Variants in NR4A1 observed in about 807,000 individuals in gnomAD.
NR4A1 encodes the protein nuclear receptor subfamily 4immunitygroup A member 1.
Under a neutral mutation model 47.5 loss-of-function variants are expected in NR4A1, and 24 were observed. That is an observed-to-expected ratio of 0.50 (90% CI 0.37 to 0.71). The LOEUF (loss-of-function observed/expected upper bound fraction) is 0.71, where lower values mean the gene tolerates loss of function less well. NR4A1 is among the 30% of genes least tolerant of loss of function. The probability of loss-of-function intolerance (pLI) is 0.00; values close to 1 mark genes in which losing one functional copy is unlikely to be tolerated. For missense variants in NR4A1, 669 were observed against 788.6 expected (o/e 0.85, Z 1.82); for synonymous variants, 353 against 345.7 (o/e 1.02, Z -0.24).
intron 2 of NR4A1, chr12:52,043,929 G>A (rs563562806): frequency 7.8e-7 from 1 of 1,288,854 alleles, no homozygotes; most frequent in South Asian, 1.2e-5. Flanking sequence ...TTGGGACAGG[G>A]ACATTGAGGA....
At chr12:52,024,047 G>A (rs1333230629) in intron 1 of NR4A1, among the ~76,000 whole-genome samples, 1 of 152,244 alleles carries the variant, frequency 6.6e-6, no homozygotes, top group Non-Finnish European at 1.5e-5. Flanking sequence ...GGAGAGTCGC[G>A]GCCTCTCTGA....
At position 52,054,966 on chromosome 12, in the gene NR4A1, A is replaced by C; in HGVS notation, c.638A>C (p.Gln213Pro). 1.2e-6 allele frequency: 2 copies of C among 1,614,086 alleles called. No individual in the cohort carries two copies. Among genetic ancestry groups the C allele is most frequent in the Non-Finnish European group, 1.7e-6 (2 of 1,179,998 alleles). The stretch of plus-strand genomic sequence containing the variant: ...AGCCCCCTGAAGTTGTTCCCCTCAC[A>C]GGCCACCCACCAGCTGGGGGAGGGA... ...AQSPLKLFPS[Q>P]ATHQLGEGES... Residue 213 changes from glutamine (Q) to proline (P), a missense_variant, in exon 2 of 7, where the codon CAG becomes CCG. Gln to Pro is a moderately conservative substitution (Grantham distance 76, BLOSUM62 -1). Coordinates refer to ENST00000394825, the MANE Select transcript of NR4A1 (RefSeq NM_173157.3).
chr12:52,052,308 A>T (rs867534735), intron 1 of NR4A1, among the ~76,000 whole-genome samples: 3,236 of 117,252 alleles, frequency 0.028, 76 homozygotes, highest in African/African-American at 0.11. Context: ...TGTGTGTGAG[A>T]GAGAGAGAGA....
intron 6 of NR4A1, 175 bp from the exon 7 acceptor site, chr12:52,058,513 T>G (rs1040868890): frequency 1.2e-6 from 1 of 824,618 alleles, no homozygotes; most frequent in East Asian, 2.7e-5. Context: ...TGAGGGTTAC[T>G]GCTTCTCAGA....
intron 1 of NR4A1, among the ~76,000 whole-genome samples, chr12:52,028,556 G>C (rs1470926026): frequency 6.7e-6 from 1 of 149,264 alleles, no homozygotes; most frequent in African/African-American, 2.5e-5. Context: ...CCTCGTGACA[G>C]AGCAAGACTC....
In NR4A1 at chr12:52,054,803, G is replaced by C; in HGVS notation, c.475G>C (p.Gly159Arg). The C allele has an allele frequency of 6.2e-7, 1 of 1,613,238 alleles. No individual in the cohort carries two copies. The highest frequency in any genetic ancestry group is 8.5e-7 in the Non-Finnish European group (1 of 1,179,938). The stretch of plus-strand genomic sequence containing the variant: ...GCTCTCTCCCTGGGATGGCTCCTTC[G>C]GCCACTTCTCGCCCAGCCAGACTTA... Reference protein sequence around the residue: ...PQLSPWDGSFGHFSPSQTYEG... With the variant: ...PQLSPWDGSFRHFSPSQTYEG... The change falls in exon 2 of 7, where the codon GGC becomes CGC. Residue 159 changes from glycine to arginine, a missense_variant. Coordinates refer to ENST00000394825, the MANE Select transcript of NR4A1 (RefSeq NM_173157.3).
exon 2 of NR4A1, chr12:52,041,901 G>A (rs751337513): frequency 2.6e-6 from 4 of 1,515,868 alleles, no homozygotes; most frequent in Non-Finnish European, 3.5e-6. Flanking sequence ...TAATGTGGTT[G>A]GCCAAGGCCT....
At position 52,054,748 on chromosome 12, in the gene NR4A1, G is replaced by T; in HGVS notation, c.420G>T (p.Ser140=). 6.2e-7 allele frequency: 1 copy of T among 1,612,330 alleles called. No individual in the cohort carries two copies. ...DYYGSPCSAP[S]PSTPSFQPPQ... is the part of the protein sequence containing the mutation. ...ATGGCAGCCCCTGCTCGGCCCCGTCGCCCTCCACGCCCAGCTTCCAGCCGC... is the reference window on the plus strand; with the variant it reads ...ATGGCAGCCCCTGCTCGGCCCCGTCTCCCTCCACGCCCAGCTTCCAGCCGC... Residue 140 remains serine (S), a synonymous_variant, in exon 2 of 7, where the codon TCG becomes TCT. Coordinates refer to ENST00000394825, the MANE Select transcript of NR4A1 (RefSeq NM_173157.3).
chr12:52,059,028 C>T lies in NR4A1; in HGVS notation c.*84C>T, dbSNP rs1447675398. Reference sequence around the variant, plus strand: ...TAGTCCACGGACCCCCAGAGCACCCCCAAGCCTGGGCTTGAGCTGCAGAAT... The same window carrying T: ...TAGTCCACGGACCCCCAGAGCACCCTCAAGCCTGGGCTTGAGCTGCAGAAT... On this transcript the variant is annotated 3_prime_UTR_variant, in exon 7 of 7. Transcript: ENST00000394825. 1 of 1,483,244 alleles carries T rather than the reference C, an allele frequency of 6.7e-7. No individual in the cohort carries two copies. Among genetic ancestry groups the T allele is most frequent in the Non-Finnish European group, 9.1e-7 (1 of 1,102,248 alleles). The allele number at this position is 1,483,244 out of a possible 1,614,324, so 91.9% of individuals were successfully genotyped here.
At chr12:52,048,822 CTT>C (rs879809627), upstream of NR4A1, among the ~76,000 whole-genome samples, 1 of 145,666 alleles carries the variant, frequency 6.9e-6, no homozygotes. Context: ...GGTTTTAAAC[CTT>C]TTTTTTTTTT....
At chr12:52,042,578 G>C (rs1938480453) in intron 2 of NR4A1, among the ~76,000 whole-genome samples, 1 of 152,164 alleles carries the variant, frequency 6.6e-6, no homozygotes, top group African/African-American at 2.4e-5. Flanking sequence ...TTTTCCAGGG[G>C]TCCTGCAGTG....
At chr12:52,036,077 G>A (rs935342136) in intron 1 of NR4A1, among the ~76,000 whole-genome samples, 1 of 152,218 alleles carries the variant, frequency 6.6e-6, no homozygotes, top group Non-Finnish European at 1.5e-5. Context: ...TATAGGAGCA[G>A]AGATGGTAAC....
upstream of NR4A1, among the ~76,000 whole-genome samples, chr12:52,050,779 T>C (rs1248611129): frequency 2.0e-5 from 3 of 152,174 alleles, no homozygotes; most frequent in Non-Finnish European, 4.4e-5. Context: ...CCGCGTCCTG[T>C]GCACTAGCTG....
chr12:52,028,737 C>G (rs988190968), intron 1 of NR4A1, among the ~76,000 whole-genome samples: 3 of 147,900 alleles, frequency 2.0e-5, no homozygotes, highest in African/African-American at 7.5e-5. Context: ...AACCCCGTCT[C>G]TACTAAAAAT....
chr12:52,056,081 C>A lies in NR4A1; in HGVS notation c.928C>A (p.Pro310Thr). 1 of 1,611,290 alleles carries A rather than the reference C, an allele frequency of 6.2e-7. No homozygotes were observed. Among genetic ancestry groups the A allele is most frequent in the South Asian group, 1.1e-5 (1 of 90,724 alleles). The change falls in exon 3 of 7, where the codon CCT becomes ACT. Residue 310 changes from proline (P) to threonine (T), a missense_variant. Transcript: ENST00000394825. ...CATCTGCCTGGCTAACAAGGACTGCCCTGTGGACAAGAGGCGGCGAAACCG... is the reference window on the plus strand; with the variant it reads ...CATCTGCCTGGCTAACAAGGACTGCACTGTGGACAAGAGGCGGCGAAACCG... ...KYICLANKDC[P>T]VDKRRRNRCQ...
intron 1 of NR4A1, among the ~76,000 whole-genome samples, chr12:52,023,779 G>GCTCCTCAC (rs1174032958): frequency 9.9e-5 from 15 of 152,136 alleles, no homozygotes; most frequent in African/African-American, 3.1e-4. Flanking sequence ...CTGCCGAGCC[G>GCTCCTCAC]CTCCTCACAG....
intron 1 of NR4A1, 59 bp from the exon 2 acceptor site, chr12:52,054,268 G>A: frequency 7.0e-7 from 1 of 1,432,526 alleles, no homozygotes; most frequent in Non-Finnish European, 9.5e-7. Flanking sequence ...TTTGAGACAA[G>A]GCTATAGGCT....
intron 2 of NR4A1, among the ~76,000 whole-genome samples, chr12:52,045,847 C>T (rs1338416494): frequency 6.6e-6 from 1 of 152,218 alleles, no homozygotes; most frequent in African/African-American, 2.4e-5. Context: ...CTGGGCCTGA[C>T]CTTTCACCCC....
At chr12:52,051,095 C>CGGTGCGGGG (rs1202265674), upstream of NR4A1, among the ~76,000 whole-genome samples, 2 of 152,206 alleles carry the variant, frequency 1.3e-5, no homozygotes, top group Admixed American at 6.5e-5. Context: ...TGGGGGCCCC[C>CGGTGCGGGG]AGCTGGGACC....
Sources: gnomAD v4.1 joint callset for allele counts (sites outside exome capture counted in the v4.1 genomes callset) on GRCh38, gnomAD v4.1.1 for gene constraint, MANE v1.5 for transcripts, NCBI Gene and HGNC (gene_info 2026-07-23, HGNC 2026-07-21) for gene names.